The following TPRG1 variants were observed in gnomAD, a reference collection of about 807,000 sequenced individuals.
TPRG1 encodes the protein tumor protein p63 regulated 1, also known as tumor protein p63-regulated gene 1 protein.
A neutral mutation model predicts 29.3 loss-of-function variants in TPRG1; 29 were observed. That is an observed-to-expected ratio of 0.99 (90% CI 0.74 to 1.35). The LOEUF (loss-of-function observed/expected upper bound fraction) is 1.35, where lower values mean the gene tolerates loss of function less well. Ranked by LOEUF, TPRG1 falls within the 40% of genes most tolerant of loss-of-function variation. The probability of loss-of-function intolerance (pLI) is 0.00; values close to 1 mark genes in which losing one functional copy is unlikely to be tolerated. For synonymous variants in TPRG1, 130 were observed against 116.8 expected, an observed-to-expected ratio of 1.11 and a Z score of -0.73; for missense variants, 327 against 335.0, an observed-to-expected ratio of 0.98 and a Z score of 0.19.
In TPRG1 at chr3:189,207,467, A is replaced by T; in HGVS notation, c.83A>T (p.His28Leu). Residue 28 changes from histidine (H) to leucine (L), a missense_variant, in exon 2 of 6, where the codon CAC becomes CTC. Transcript: ENST00000345063. Reference protein sequence around the residue: ...EGDDQPSETDHLSMEEEDPMP... With the variant: ...EGDDQPSETDLLSMEEEDPMP... ...GATGACCAACCCTCTGAGACTGACC[A>T]CCTATCGATGGAGGAAGAGGACCCG... 1 of 1,614,026 alleles carries T rather than the reference A, an allele frequency of 6.2e-7. No homozygotes were observed.
At chr3:189,096,313 G>C (rs2152184697), upstream of TPRG1, among the ~76,000 whole-genome samples, 1 of 152,200 alleles carries the variant, frequency 6.6e-6, no homozygotes, top group Admixed American at 6.5e-5. Context: ...TTCTATTCTG[G>C]CTTCTCGAGT....
At chr3:189,229,217 C>A in intron 3 of TPRG1, among the ~76,000 whole-genome samples, 1 of 152,122 alleles carries the variant, frequency 6.6e-6, no homozygotes, top group Non-Finnish European at 1.5e-5. Flanking sequence ...ACAAATCAAA[C>A]GCAATTCCTA....
chr3:189,226,017 TAGAAC>T (rs1200072923), intron 3 of TPRG1, among the ~76,000 whole-genome samples: 1 of 151,848 alleles, frequency 6.6e-6, no homozygotes, highest in African/African-American at 2.4e-5. Flanking sequence ...TAAAAACTGA[TAGAAC>T]AGAAATGAGA....
At chr3:189,300,602 C>G (rs997608258) in intron 4 of TPRG1, among the ~76,000 whole-genome samples, 2 of 152,184 alleles carry the variant, frequency 1.3e-5, no homozygotes, top group Non-Finnish European at 2.9e-5. Flanking sequence ...AGATTTTACT[C>G]TTCCTCTTGC....
At chr3:189,148,551 A>G (rs1156256059) in intron 4 of TPRG1, among the ~76,000 whole-genome samples, 2 of 152,196 alleles carry the variant, frequency 1.3e-5, no homozygotes, top group Non-Finnish European at 2.9e-5. Context: ...GGGTCATTGC[A>G]TGGTGTGAGT....
intron 4 of TPRG1, among the ~76,000 whole-genome samples, chr3:189,245,408 C>G (rs1741229714): frequency 6.6e-6 from 1 of 152,032 alleles, no homozygotes. Context: ...TGTTGTGTGT[C>G]TATTATCATT....
chr3:189,080,533 C>T (rs1162615492), intron 4 of TPRG1, among the ~76,000 whole-genome samples: 1 of 152,176 alleles, frequency 6.6e-6, no homozygotes, highest in African/African-American at 2.4e-5. Flanking sequence ...AACCTTATTC[C>T]CTTGTAGTGA....
intron 4 of TPRG1, among the ~76,000 whole-genome samples, chr3:189,308,743 C>T (rs528953936): frequency 2.6e-5 from 4 of 152,278 alleles, no homozygotes; most frequent in Admixed American, 2.0e-4. Context: ...AGATTTTCAT[C>T]CCCTTTGGAT....
chr3:189,027,090 G>A (rs1713704591), intron 4 of TPRG1, among the ~76,000 whole-genome samples: 1 of 152,180 alleles, frequency 6.6e-6, no homozygotes. Flanking sequence ...GCAATGCTAT[G>A]CAATTGTTTT....
intron 4 of TPRG1, among the ~76,000 whole-genome samples, chr3:189,243,153 T>G (rs756012501): frequency 2.6e-4 from 39 of 152,326 alleles, no homozygotes; most frequent in Middle Eastern, 3.4e-3. Context: ...TGGATTCCAC[T>G]TCTGTGGAGG....
At chr3:189,240,660 T>C (rs1740408849) in intron 4 of TPRG1, 1 of 152,088 alleles carries the variant, frequency 6.6e-6, no homozygotes, top group South Asian at 2.1e-4. Flanking sequence ...AGGAAAAACT[T>C]GCTCCCATAA....
intron 4 of TPRG1, among the ~76,000 whole-genome samples, chr3:189,278,485 G>C (rs1189670509): frequency 6.6e-6 from 1 of 152,128 alleles, no homozygotes; most frequent in African/African-American, 2.4e-5. Flanking sequence ...TGTCAGTAAT[G>C]GGCTAAATGA....
intron 4 of TPRG1, among the ~76,000 whole-genome samples, chr3:189,276,243 G>A (rs553655212): frequency 6.6e-6 from 1 of 152,234 alleles, no homozygotes; most frequent in African/African-American, 2.4e-5. Context: ...AGAGGTGGTG[G>A]CCCCCATGGA....
chr3:189,053,513 C>T (rs1715464926), intron 4 of TPRG1, among the ~76,000 whole-genome samples: 1 of 152,168 alleles, frequency 6.6e-6, no homozygotes, highest in South Asian at 2.1e-4. Flanking sequence ...CCAGACCCCG[C>T]ACCCACCATG....
intron 5 of TPRG1, among the ~76,000 whole-genome samples, chr3:189,157,021 G>A (rs191992301): frequency 6.6e-6 from 1 of 152,284 alleles, no homozygotes; most frequent in Admixed American, 6.5e-5. Context: ...AGTCAAAGAA[G>A]CTATGCCAGG....
chr3:189,057,369 G>A (rs1167314701), intron 4 of TPRG1, among the ~76,000 whole-genome samples: 7 of 152,070 alleles, frequency 4.6e-5, no homozygotes, highest in Non-Finnish European at 8.8e-5. Flanking sequence ...TTTTTAGATT[G>A]AAAATCATTT....
intron 4 of TPRG1, among the ~76,000 whole-genome samples, chr3:189,148,585 G>A (rs1413634426): frequency 1.3e-5 from 2 of 152,186 alleles, no homozygotes; most frequent in African/African-American, 4.8e-5. Flanking sequence ...TGGCTGGTAA[G>A]TAAGGAGCAT....
chr3:189,008,179 T>C (rs1038874726), intron 3 of TPRG1, among the ~76,000 whole-genome samples: 1 of 151,946 alleles, frequency 6.6e-6, no homozygotes, highest in African/African-American at 2.4e-5. Context: ...TGTATCTGCA[T>C]GTGTGTGAGT....
chr3:189,062,489 G>A (rs1181655218), intron 4 of TPRG1, among the ~76,000 whole-genome samples: 3 of 152,026 alleles, frequency 2.0e-5, no homozygotes, highest in Non-Finnish European at 4.4e-5. Context: ...TAGGAAGAAA[G>A]AAGGAACAAA....
Sources: gnomAD v4.1 joint callset for allele counts (sites outside exome capture counted in the v4.1 genomes callset) on GRCh38, gnomAD v4.1.1 for gene constraint, MANE v1.5 for transcripts, NCBI Gene and HGNC (gene_info 2026-07-23, HGNC 2026-07-21) for gene names.